The following TEAD1 variants were observed in gnomAD, a reference collection of about 807,000 sequenced individuals.
The protein encoded by TEAD1 is transcriptional enhancer factor TEF-1.
Under a neutral mutation model 54.9 loss-of-function variants are expected in TEAD1, and 9 were observed. The observed-to-expected ratio is 0.16, with a 90% CI of 0.10 to 0.29. The LOEUF is 0.29. Among genes scored for constraint, TEAD1 ranks in the 10% least tolerant of loss-of-function variants. TEAD1 has a pLI of 1.00. For missense variants in TEAD1, 387 were observed against 535.9 expected, an observed-to-expected ratio of 0.72 and a Z score of 2.74; for synonymous variants, 200 against 187.8, an observed-to-expected ratio of 1.07 and a Z score of -0.53.
At chr11:12,829,507 A>C (rs891228663) in intron 3 of TEAD1, among the ~76,000 whole-genome samples, 3 of 152,232 alleles carry the variant, frequency 2.0e-5, no homozygotes, top group African/African-American at 7.2e-5. Flanking sequence ...CTTTAGAAGT[A>C]AAATCCAAAC....
chr11:12,709,291 T>C (rs764923183), intron 2 of TEAD1, among the ~76,000 whole-genome samples: 1 of 151,850 alleles, frequency 6.6e-6, no homozygotes, highest in Non-Finnish European at 1.5e-5. Context: ...TGAGCTGAGA[T>C]TGCACCACTG....
chr11:12,785,944 T>A (rs1945668485), intron 3 of TEAD1, among the ~76,000 whole-genome samples: 1 of 152,226 alleles, frequency 6.6e-6, no homozygotes, highest in Non-Finnish European at 1.5e-5. Flanking sequence ...GATGGCATGC[T>A]GGTAACATAC....
At chr11:12,881,670 G>A (rs1947971522) in intron 7 of TEAD1, among the ~76,000 whole-genome samples, 1 of 152,176 alleles carries the variant, frequency 6.6e-6, no homozygotes, top group African/African-American at 2.4e-5. Flanking sequence ...TGTCTTTCCA[G>A]CACATCCCAT....
chr11:12,705,565 C>T (rs1478049407), intron 2 of TEAD1, among the ~76,000 whole-genome samples: 1 of 152,092 alleles, frequency 6.6e-6, no homozygotes, highest in Non-Finnish European at 1.5e-5. Context: ...CCTTCCAACA[C>T]TTGACACATA....
At chr11:12,868,992 C>G (rs1009496396) in intron 5 of TEAD1, among the ~76,000 whole-genome samples, 3 of 152,170 alleles carry the variant, frequency 2.0e-5, no homozygotes, top group Non-Finnish European at 4.4e-5. Context: ...GTCATTAGAA[C>G]TAAACATAGT....
chr11:12,746,394 A>G (rs551752267), intron 2 of TEAD1, among the ~76,000 whole-genome samples: 2 of 152,356 alleles, frequency 1.3e-5, no homozygotes, highest in African/African-American at 4.8e-5. Flanking sequence ...TAAAACCTTC[A>G]TTGACCCAAA....
chr11:12,921,942 T>C (rs1006289927), intron 10 of TEAD1, among the ~76,000 whole-genome samples: 44 of 152,226 alleles, frequency 2.9e-4, no homozygotes, highest in Admixed American at 7.8e-4. Flanking sequence ...TATTTTTGTT[T>C]GTTTATGATT....
intron 3 of TEAD1, among the ~76,000 whole-genome samples, chr11:12,790,998 A>G (rs1413383352): frequency 6.6e-6 from 1 of 152,238 alleles, no homozygotes; most frequent in African/African-American, 2.4e-5. Context: ...CTAGGTATTT[A>G]CCCAAGAGAA....
rs145577677 is a variant in TEAD1 at position 12,798,598 on chromosome 11, G to A, written c.202+34164G>A. On this transcript the variant is annotated intron_variant, in intron 3 of 12. Coordinates refer to ENST00000527636, the MANE Select transcript of TEAD1 (RefSeq NM_021961.6). ...CATGAAGGAAGTTGGAACCCGTGGT[G>A]GGTATGTTTATTTAAATGTGTAAAC... Among the ~76,000 whole-genome samples, 88 of 152,282 alleles carry A rather than the reference G, an allele frequency of 5.8e-4. 3 individuals are homozygous for A. Among genetic ancestry groups the A allele is most frequent in the African/African-American group, 2.0e-3 (85 of 41,552 alleles).
intron 2 of TEAD1, among the ~76,000 whole-genome samples, chr11:12,761,940 C>T (rs1945110826): frequency 6.6e-6 from 1 of 151,970 alleles, no homozygotes; most frequent in Admixed American, 6.5e-5. Context: ...ACTTTAAGCA[C>T]TGAATGGGGG....
chr11:12,703,645 G>C (rs1369889834), intron 2 of TEAD1, among the ~76,000 whole-genome samples: 8 of 152,138 alleles, frequency 5.3e-5, no homozygotes, highest in Admixed American at 5.2e-4. Flanking sequence ...CGGGATACAG[G>C]CTGTGACTTG....
At chr11:12,891,349 G>A (rs1948193777) in intron 9 of TEAD1, among the ~76,000 whole-genome samples, 2 of 152,176 alleles carry the variant, frequency 1.3e-5, no homozygotes, top group African/African-American at 4.8e-5. Context: ...CATCAGGTGA[G>A]AGCAGGGGCT....
rs546056097 is a variant in TEAD1, at chr11:12,915,413, G to A, written c.874-9499G>A. On this transcript the variant is annotated intron_variant, in intron 10 of 12. Transcript: ENST00000527636. ...CACTCTGTCCCCTGGCCTAGCACCC[G>A]CCTCCAAGGACTTCAGATCCCACAT... 5.9e-5 allele frequency among the ~76,000 whole-genome samples: 9 copies of A among 152,280 alleles called. No homozygotes were observed. The South Asian group carries it at 6.2e-4, about 11-fold the overall frequency.
chr11:12,769,257 TC>T (rs1268574909), intron 3 of TEAD1, among the ~76,000 whole-genome samples: 1 of 151,968 alleles, frequency 6.6e-6, no homozygotes, highest in Non-Finnish European at 1.5e-5. Flanking sequence ...TAGTCAGTCC[TC>T]CCCCGCTGCT....
intron 3 of TEAD1, among the ~76,000 whole-genome samples, chr11:12,842,264 CT>C (rs1411735021): frequency 1.3e-5 from 2 of 152,196 alleles, no homozygotes; most frequent in African/African-American, 4.8e-5. Context: ...GTCCACCTCA[CT>C]TTTGACCAAA....
At chr11:12,721,016 T>A (rs147932102) in intron 2 of TEAD1, among the ~76,000 whole-genome samples, 35 of 152,370 alleles carry the variant, frequency 2.3e-4, no homozygotes, top group African/African-American at 8.2e-4. Context: ...TCTTTATGGG[T>A]TATACTTTCT....
intron 5 of TEAD1, among the ~76,000 whole-genome samples, chr11:12,878,192 T>C (rs540671498): frequency 1.3e-5 from 2 of 152,232 alleles, no homozygotes; most frequent in African/African-American, 2.4e-5. Context: ...CTGACAGTTA[T>C]AGGGCAAAGT....
chr11:12,785,385 C>G (rs555034755), intron 3 of TEAD1, among the ~76,000 whole-genome samples: 2 of 152,328 alleles, frequency 1.3e-5, no homozygotes, highest in African/African-American at 4.8e-5. Flanking sequence ...TGGCTCTTTC[C>G]TCCTGTCCCA....
chr11:12,934,241 C>T (rs902463399), intron 12 of TEAD1, among the ~76,000 whole-genome samples: 1 of 152,156 alleles, frequency 6.6e-6, no homozygotes, highest in Non-Finnish European at 1.5e-5. Context: ...TTTGTAGGGA[C>T]GTGGATGAAG....
Sources: allele counts gnomAD v4.1 joint callset (sites outside exome capture counted in the v4.1 genomes callset), GRCh38; gene constraint gnomAD v4.1.1; transcripts MANE v1.5; gene names NCBI Gene and HGNC (gene_info 2026-07-23, HGNC 2026-07-21).